SLC5A11: variants seen among roughly 807,000 people sequenced by gnomAD.
SLC5A11 encodes the protein solute carrier family 5 member 11.
A neutral mutation model predicts 69.8 loss-of-function variants in SLC5A11; 48 were observed. The observed-to-expected ratio is 0.69, with a 90% CI of 0.55 to 0.87. The LOEUF is 0.87. Among genes scored for constraint, SLC5A11 ranks in the 40% least tolerant of loss-of-function variants. The pLI is 0.00. For missense variants in SLC5A11, 784 were observed against 866.1 expected (o/e 0.91, Z 1.19); for synonymous variants, 319 against 342.4 (o/e 0.93, Z 0.75).
rs558831961 is a variant in SLC5A11 at position 24,908,980 on chromosome 16, C to T, written c.1534C>T (p.Arg512Cys). 624 of 1,614,074 alleles carry T rather than the reference C, an allele frequency of 3.9e-4. 3 individuals are homozygous for T. The South Asian group carries it at 4.0e-3, about 10-fold the overall frequency. ...GCCTCGATGCGACCAGCCAGATGAGCGCCCGGTCCTGGTGAAGAGCATTCA... is the reference window on the plus strand; with the variant it reads ...GCCTCGATGCGACCAGCCAGATGAGTGCCCGGTCCTGGTGAAGAGCATTCA... The change falls in exon 14 of 16, where the codon CGC becomes TGC. Residue 512 changes from arginine to cysteine, a missense_variant. Transcript: ENST00000347898.
At chr16:24,876,751 T>C (rs1387425629) in intron 6 of SLC5A11, among the ~76,000 whole-genome samples, 1 of 152,130 alleles carries the variant, frequency 6.6e-6, no homozygotes, top group Non-Finnish European at 1.5e-5. Flanking sequence ...GAACTTACAG[T>C]TAGAGAAAGG....
At chr16:24,905,839 A>G (rs765073370) in intron 10 of SLC5A11, among the ~76,000 whole-genome samples, 1 of 105,976 alleles carries the variant, frequency 9.4e-6, no homozygotes, top group Non-Finnish European at 2.2e-5. Context: ...AATAGGGATA[A>G]TAACAGTATC....
At chr16:24,864,665 C>T (rs1373310059) in intron 3 of SLC5A11, among the ~76,000 whole-genome samples, 5 of 152,168 alleles carry the variant, frequency 3.3e-5, no homozygotes, top group Non-Finnish European at 5.9e-5. Flanking sequence ...CTGAAGAAGG[C>T]CAGATGTTAT....
At chr16:24,870,672 C>T (rs867609580) in intron 4 of SLC5A11, among the ~76,000 whole-genome samples, 3 of 148,384 alleles carry the variant, frequency 2.0e-5, no homozygotes, top group African/African-American at 7.5e-5. Flanking sequence ...CCTAGCTACT[C>T]AGGAGGCTGA....
intron 9 of SLC5A11, among the ~76,000 whole-genome samples, chr16:24,894,645 C>A (rs900803146): frequency 6.6e-6 from 1 of 151,782 alleles, no homozygotes; most frequent in Admixed American, 6.6e-5. Flanking sequence ...ACTAAAAATA[C>A]AAAAAATTAA....
exon 10 of SLC5A11, chr16:24,898,075 G>A: frequency 1.2e-6 from 2 of 1,614,166 alleles, no homozygotes; most frequent in Non-Finnish European, 1.7e-6. Flanking sequence ...TCATAATGGT[G>A]TTCCCTGGGA....
At chr16:24,858,634 G>A (rs376893340) in exon 2 of SLC5A11, 42 of 1,606,246 alleles carry the variant, frequency 2.6e-5, no homozygotes, top group East Asian at 6.7e-5. Context: ...CAGAGGTCTC[G>A]TTCAGGACCA....
chr16:24,895,350 A>G (rs2049082728), intron 9 of SLC5A11, among the ~76,000 whole-genome samples: 1 of 150,902 alleles, frequency 6.6e-6, no homozygotes, highest in South Asian at 2.1e-4. Context: ...TTAGCCGGGC[A>G]TGGTGGCAGG....
chr16:24,865,933 A>G (rs2046891318), intron 3 of SLC5A11, among the ~76,000 whole-genome samples: 1 of 151,976 alleles, frequency 6.6e-6, no homozygotes, highest in Admixed American at 6.6e-5. Context: ...TTTAAAAGAC[A>G]GTTGCATAAA....
At chr16:24,886,588 A>G (rs987601036) in intron 8 of SLC5A11, among the ~76,000 whole-genome samples, 1 of 152,232 alleles carries the variant, frequency 6.6e-6, no homozygotes, top group Non-Finnish European at 1.5e-5. Context: ...TGATATATCT[A>G]GCTAGGTGTG....
At chr16:24,870,436 A>C (rs1417479965) in intron 4 of SLC5A11, among the ~76,000 whole-genome samples, 1 of 107,238 alleles carries the variant, frequency 9.3e-6, no homozygotes, top group African/African-American at 3.5e-5. Context: ...AAAAAAAACA[A>C]AAAAAAACAC....
intron 14 of SLC5A11, 131 bp from the exon 16 acceptor site, chr16:24,910,174 TG>T: frequency 1.7e-6 from 1 of 573,544 alleles, no homozygotes; most frequent in Non-Finnish European, 2.6e-6. Context: ...GAGGATGGGG[TG>T]GGAGGGTGGG....
At chr16:24,907,441 G>A (rs561590858) in intron 12 of SLC5A11, among the ~76,000 whole-genome samples, 17 of 152,296 alleles carry the variant, frequency 1.1e-4, no homozygotes, top group Non-Finnish European at 1.5e-5. Context: ...AGCTGGGCGA[G>A]GTGGCTCACA....
In SLC5A11 at chr16:24,897,904, G is replaced by T. The variant is rs185878169; in HGVS notation, c.871-70G>T. The T allele has an allele frequency of 1.5e-4, 231 of 1,560,082 alleles. 1 individual carries two copies. The African/African-American group carries it at 2.8e-3, about 19-fold the overall frequency. ...AATTATGGGAGCTACAATTCAAGAT[G>T]AGATTTGGGTGGGGACACAACCAAA... On this transcript the variant is annotated intron_variant, in intron 9 of 15. Coordinates refer to ENST00000347898, the Ensembl canonical transcript of SLC5A11.
At chr16:24,860,697 AG>A (rs1345007932) in intron 2 of SLC5A11, among the ~76,000 whole-genome samples, 1 of 151,806 alleles carries the variant, frequency 6.6e-6, no homozygotes, top group Admixed American at 6.6e-5. Flanking sequence ...AATATCTCAA[AG>A]TTTTTTTTGT....
intron 9 of SLC5A11, among the ~76,000 whole-genome samples, chr16:24,892,077 A>G (rs373862463): frequency 6.6e-6 from 1 of 151,170 alleles, no homozygotes; most frequent in Non-Finnish European, 1.5e-5. Context: ...AAAAGTAAAA[A>G]TTAGCCAGGC....
chr16:24,873,250 GAA>G (rs1567612842), intron 5 of SLC5A11, among the ~76,000 whole-genome samples: 41 of 68,876 alleles, frequency 6.0e-4, no homozygotes, highest in Non-Finnish European at 7.5e-4. Context: ...AGGGAGGGAG[GAA>G]GGAAGGAAGG....
chr16:24,874,515 TAAA>T (rs1330703827), intron 5 of SLC5A11, among the ~76,000 whole-genome samples: 9 of 152,208 alleles, frequency 5.9e-5, no homozygotes, highest in Non-Finnish European at 8.8e-5. Flanking sequence ...TTCTCCAACT[TAAA>T]GATTCTTGCG....
At chr16:24,897,866 C>T in intron 9 of SLC5A11, 108 bp from the exon 11 acceptor site, 1 of 1,447,974 alleles carries the variant, frequency 6.9e-7, no homozygotes, top group Non-Finnish European at 9.4e-7. Context: ...GACTCCCTCC[C>T]ACAACATGTG....
Sources: gnomAD v4.1 joint callset for allele counts (sites outside exome capture counted in the v4.1 genomes callset) on GRCh38, gnomAD v4.1.1 for gene constraint, MANE v1.5 for transcripts, NCBI Gene and HGNC (gene_info 2026-07-23, HGNC 2026-07-21) for gene names.